Variants in ZNF566 observed in about 807,000 individuals in gnomAD.
The protein encoded by ZNF566 is zinc finger protein 566.
ZNF566 carries 27 observed loss-of-function variants against 32.8 expected under a neutral mutation model. The ratio of observed to expected loss-of-function variants is 0.82; its 90% CI spans 0.61 to 1.14. ZNF566 has a LOEUF of 1.14. Among genes scored for constraint, ZNF566 ranks in the 50% most tolerant of loss-of-function variants. The pLI, the probability that ZNF566 is intolerant of heterozygous loss-of-function variation, is 0.00. For synonymous variants in ZNF566, 154 were observed against 159.5 expected (o/e 0.97, Z 0.26); for missense variants, 402 against 490.4 (o/e 0.82, Z 1.70).
At chr19:36,482,231 C>G (rs528538062) in intron 1 of ZNF566, among the ~76,000 whole-genome samples, 2 of 152,096 alleles carry the variant, frequency 1.3e-5, no homozygotes, top group African/African-American at 4.8e-5. Flanking sequence ...TCAGCCTCTC[C>G]AGTAGCTGGG....
At chr19:36,473,529 A>T in intron 2 of ZNF566, 71 bp from the exon 3 acceptor site, 1 of 1,428,708 alleles carries the variant, frequency 7.0e-7, no homozygotes. Flanking sequence ...AAGAGAGAAG[A>T]AAAAGATTAA....
At chr19:36,460,009 G>A (rs374174325) in intron 4 of ZNF566, among the ~76,000 whole-genome samples, 2 of 151,240 alleles carry the variant, frequency 1.3e-5, no homozygotes, top group Admixed American at 6.6e-5. Context: ...GTTTCAACAC[G>A]TTGGCCAGGC....
intron 4 of ZNF566, among the ~76,000 whole-genome samples, chr19:36,455,417 G>A (rs146029767): frequency 0.019 from 2,956 of 152,116 alleles, 103 homozygotes; most frequent in Admixed American, 0.099. Context: ...AAAACCCTAG[G>A]GGATCTACCA....
intron 4 of ZNF566, among the ~76,000 whole-genome samples, chr19:36,470,412 G>A (rs754330460): frequency 2.6e-5 from 4 of 151,378 alleles, no homozygotes; most frequent in Admixed American, 6.6e-5. Context: ...TTTTTTTTCC[G>A]CTTACACTCC....
At chr19:36,458,671 A>G (rs1353188376) in intron 4 of ZNF566, among the ~76,000 whole-genome samples, 6 of 152,258 alleles carry the variant, frequency 3.9e-5, no homozygotes, top group African/African-American at 1.4e-4. Flanking sequence ...ACTATAGTTT[A>G]TAATACTGTA....
chr19:36,466,977 G>A (rs1483042858), intron 4 of ZNF566, among the ~76,000 whole-genome samples: 5 of 151,010 alleles, frequency 3.3e-5, no homozygotes, highest in Non-Finnish European at 7.4e-5. Flanking sequence ...GCTGAGGTAG[G>A]AGAATGGTGT....
chr19:36,467,042 C>A (rs2033631232), intron 4 of ZNF566, among the ~76,000 whole-genome samples: 1 of 149,684 alleles, frequency 6.7e-6, no homozygotes, highest in South Asian at 2.1e-4. Context: ...GCACTCCACC[C>A]TGGGTGACAG....
In ZNF566 at chr19:36,473,362, A is replaced by G. The variant is rs1600166732; in HGVS notation, c.106T>C (p.Leu36=). ...DQRDLYRDVM[L]ENYSNLVSMG... ...GAAACCAGGTTGCTGTAATTCTCCA[A>G]CATCACATCTCTGTATAAATCTCTC... Residue 36 remains leucine (L), a synonymous_variant, in exon 3 of 5, where the codon TTG becomes CTG. Transcript: ENST00000452939. 1.9e-6 allele frequency: 3 copies of G among 1,614,058 alleles called. No homozygotes were observed. The Admixed American group carries it at 5.0e-5, about 27-fold the overall frequency.
intron 4 of ZNF566, 74 bp downstream of exon 4, chr19:36,472,837 T>G: frequency 8.1e-7 from 1 of 1,233,240 alleles, no homozygotes; most frequent in Non-Finnish European, 1.1e-6. Context: ...GTGAGGAGAG[T>G]TTCCCAGATA....
At chr19:36,463,589 C>A (rs2145665117) in intron 4 of ZNF566, among the ~76,000 whole-genome samples, 1 of 138,560 alleles carries the variant, frequency 7.2e-6, no homozygotes, top group South Asian at 2.3e-4. Flanking sequence ...GTTGCCCAGG[C>A]TATAGTACAG....
Position 36,448,973 on chromosome 19 carries a change from T to C in ZNF566, c.*4A>G. 1 of 1,565,996 alleles carries C rather than the reference T, an allele frequency of 6.4e-7. No homozygotes were observed. Among genetic ancestry groups the C allele is most frequent in the South Asian group, 1.2e-5 (1 of 80,986 alleles). On this transcript the variant is annotated 3_prime_UTR_variant, in exon 5 of 5. Transcript: ENST00000452939. ...TCCCTACACATTTCATATATTCTGT[T>C]TCATCACCAGTACAAATTTTGATGC...
intron 4 of ZNF566, among the ~76,000 whole-genome samples, chr19:36,465,183 A>T (rs1057329588): frequency 9.2e-5 from 14 of 152,208 alleles, no homozygotes; most frequent in Admixed American, 7.9e-4. Context: ...TTAATTTAAA[A>T]TTATAAAATA....
At chr19:36,458,223 G>A (rs1285396278) in intron 4 of ZNF566, among the ~76,000 whole-genome samples, 1 of 148,814 alleles carries the variant, frequency 6.7e-6, no homozygotes, top group Non-Finnish European at 1.5e-5. Flanking sequence ...AAAATGTGAT[G>A]TGTGGGCATA....
intron 4 of ZNF566, among the ~76,000 whole-genome samples, chr19:36,471,226 A>T (rs1409237347): frequency 2.0e-5 from 3 of 151,992 alleles, no homozygotes; most frequent in South Asian, 2.1e-4. Flanking sequence ...AAAAAAAAAA[A>T]AAAAAATAAT....
Position 36,473,327 on chromosome 19 carries a change from C to T in ZNF566, c.136+5G>A. ...ATCTAAATTACTATGGACAGATGTC[C>T]TTACCCATTGAAACCAGGTTGCTGT... On this transcript the variant is annotated splice_donor_5th_base_variant and intron_variant, in intron 3 of 4. Coordinates refer to ENST00000452939, the MANE Select transcript of ZNF566 (RefSeq NM_001145344.1). 1 of 1,613,992 alleles carries T rather than the reference C, an allele frequency of 6.2e-7. No individual in the cohort carries two copies. The highest frequency in any genetic ancestry group is 8.5e-7 in the Non-Finnish European group (1 of 1,179,964).
intron 2 of ZNF566, among the ~76,000 whole-genome samples, chr19:36,474,530 T>C (rs1274357381): frequency 2.0e-5 from 3 of 152,164 alleles, no homozygotes; most frequent in Non-Finnish European, 2.9e-5. Flanking sequence ...AAGTGCAGTA[T>C]GGGAATACAA....
intron 4 of ZNF566, among the ~76,000 whole-genome samples, chr19:36,463,571 C>T (rs2033535634): frequency 1.7e-5 from 2 of 121,024 alleles, no homozygotes; most frequent in East Asian, 2.5e-4. Flanking sequence ...GAGGCAGAGT[C>T]TCGCTCTGTT....
chr19:36,486,887 A>G (rs1278383797), intron 1 of ZNF566, among the ~76,000 whole-genome samples: 1 of 151,456 alleles, frequency 6.6e-6, no homozygotes, highest in East Asian at 2.0e-4. Context: ...TGGGAGGCTG[A>G]GGCGGGCGGG....
intron 1 of ZNF566, among the ~76,000 whole-genome samples, chr19:36,482,860 C>T (rs2034070435): frequency 6.6e-6 from 1 of 152,154 alleles, no homozygotes; most frequent in Non-Finnish European, 1.5e-5. Flanking sequence ...CACTATTTTA[C>T]CAAGTTGTTT....
Sources: gnomAD v4.1 joint callset for allele counts (sites outside exome capture counted in the v4.1 genomes callset) on GRCh38, gnomAD v4.1.1 for gene constraint, MANE v1.5 for transcripts, NCBI Gene and HGNC (gene_info 2026-07-23, HGNC 2026-07-21) for gene names.